Variants in ADAM12 observed in about 807,000 individuals in gnomAD.
ADAM12 encodes disintegrin and metalloproteinase domain-containing protein 12.
A neutral mutation model predicts 106.4 loss-of-function variants in ADAM12; 70 were observed. The ratio of observed to expected loss-of-function variants is 0.66; its 90% confidence interval spans 0.54 to 0.80. ADAM12 has a LOEUF of 0.80. ADAM12 is among the 30% of genes least tolerant of loss of function. ADAM12 has a pLI of 0.00. For missense variants in ADAM12, 1,010 were observed against 1,171.9 expected, an observed-to-expected ratio of 0.86 and a Z score of 2.02; for synonymous variants, 420 against 433.5, an observed-to-expected ratio of 0.97 and a Z score of 0.39.
intron 2 of ADAM12, among the ~76,000 whole-genome samples, chr10:126,303,742 C>T (rs1396878972): frequency 6.6e-6 from 1 of 152,178 alleles, no homozygotes; most frequent in Admixed American, 6.5e-5. Context: ...CTCTCTTTAC[C>T]TGTGGTGGGT....
chr10:126,226,403 G>C (rs1304692478), intron 3 of ADAM12, among the ~76,000 whole-genome samples: 1 of 152,208 alleles, frequency 6.6e-6, no homozygotes, highest in Non-Finnish European at 1.5e-5. Context: ...GGGGATGCGT[G>C]TGCAGCCCTG....
chr10:126,073,071 C>T (rs2133502873), intron 11 of ADAM12, among the ~76,000 whole-genome samples: 1 of 152,274 alleles, frequency 6.6e-6, no homozygotes, highest in Middle Eastern at 3.4e-3. Context: ...CTATTAGGCA[C>T]AGATTTTTAA....
chr10:126,020,777 G>T (rs1564991136), intron 21 of ADAM12, among the ~76,000 whole-genome samples: 1 of 152,010 alleles, frequency 6.6e-6, no homozygotes, highest in Non-Finnish European at 1.5e-5. Flanking sequence ...GATCACCTGA[G>T]GTCAGGAGTT....
intron 3 of ADAM12, among the ~76,000 whole-genome samples, chr10:126,213,347 G>A (rs754461539): frequency 2.6e-5 from 4 of 152,272 alleles, no homozygotes; most frequent in African/African-American, 7.2e-5. Flanking sequence ...GAACACACTC[G>A]TTTTATCTAA....
chr10:126,109,691 TA>T, intron 7 of ADAM12, 83 bp downstream of exon 7: 2 of 1,234,052 alleles, frequency 1.6e-6, no homozygotes. Context: ...TGAGGTTCAT[TA>T]AAGCAAGTAA....
rs901573730 is a variant in ADAM12 at position 126,043,792 on chromosome 10, T to C, written c.1996-644A>G. Reference sequence around the variant, plus strand: ...GCCTCCTTCTTGCAGAGGTTCCCAGTGGCTGTTCCCTGGCTCCCAGTCACG... The same window carrying C: ...GCCTCCTTCTTGCAGAGGTTCCCAGCGGCTGTTCCCTGGCTCCCAGTCACG... On this transcript the variant is annotated intron_variant, in intron 17 of 22. Transcript: ENST00000448723. The surrounding 1 kb of genome is among the most constrained non-coding windows in gnomAD (Gnocchi z 4.1). Among the ~76,000 whole-genome samples the C allele has an allele frequency of 1.4e-4, 21 of 152,360 alleles. No homozygotes were observed. Among genetic ancestry groups the C allele is most frequent in the African/African-American group, 4.8e-4 (20 of 41,590 alleles).
chr10:126,090,053 G>A (rs1278373), intron 11 of ADAM12, among the ~76,000 whole-genome samples: 64,369 of 151,976 alleles, frequency 0.42, 15,770 homozygotes, highest in African/African-American at 0.68. Flanking sequence ...GCCTCCCAAA[G>A]TGCTGAGATT....
chr10:126,248,158 A>C (rs1958665931), intron 3 of ADAM12, among the ~76,000 whole-genome samples: 1 of 152,044 alleles, frequency 6.6e-6, no homozygotes, highest in African/African-American at 2.4e-5. Context: ...TGGCAGTCAT[A>C]CCCCCTATGC....
chr10:126,337,455 T>C (rs1490453312), intron 1 of ADAM12, among the ~76,000 whole-genome samples: 6 of 151,728 alleles, frequency 4.0e-5, no homozygotes, highest in Admixed American at 3.3e-4. Flanking sequence ...GCAGGAGGAG[T>C]GGGAGGAAGC....
intron 22 of ADAM12, among the ~76,000 whole-genome samples, chr10:126,017,637 A>G (rs560551424): frequency 4.6e-5 from 7 of 152,368 alleles, no homozygotes; most frequent in Admixed American, 2.6e-4. Flanking sequence ...TTAGTAATAC[A>G]TTTAACTCAG....
intron 3 of ADAM12, among the ~76,000 whole-genome samples, chr10:126,270,149 C>A (rs1959168759): frequency 6.6e-6 from 1 of 152,078 alleles, no homozygotes; most frequent in African/African-American, 2.4e-5. Flanking sequence ...GAGTTAATTC[C>A]CTGAGTCTAT....
At position 126,049,139 on chromosome 10, in the gene ADAM12, GAGA is replaced by G. The variant is rs1358145722; in HGVS notation, c.1917+111_1917+113del. 3.7e-6 allele frequency: 5 copies of G among 1,342,608 alleles called. No homozygotes were observed. Among genetic ancestry groups the G allele is most frequent in the Non-Finnish European group, 5.2e-6 (5 of 959,258 alleles). 83.2% of individuals were successfully genotyped at this position (1,342,608 alleles called of 1,614,324 possible). ...TTGACTTTTTCTTCTAGGTGCATCTGAGAAGAAGTAGATTTAGGAAAACCAACA... is the reference window on the plus strand; with the variant it reads ...TTGACTTTTTCTTCTAGGTGCATCTGAGAAGTAGATTTAGGAAAACCAACA... On this transcript the variant is annotated intron_variant, in intron 16 of 22. Transcript: ENST00000448723. This position sits in a 1 kb window ranked among gnomAD's most constrained non-coding sequence, Gnocchi z 4.4.
chr10:126,164,367 C>T (rs61863408), intron 3 of ADAM12, among the ~76,000 whole-genome samples: 9,894 of 152,228 alleles, frequency 0.065, 445 homozygotes, highest in Admixed American at 0.1. Context: ...ATTTCTTCTT[C>T]CTGGTGGATC....
Position 126,202,125 on chromosome 10 carries a change from C to T in ADAM12, c.261-46820G>A, listed in dbSNP as rs144306859. ...AATTAAAACTTCCAAACATCTCAGT[C>T]GATTCTTCTTCCACTGTGGCTGGAG... On this transcript the variant is annotated intron_variant, in intron 3 of 22. Coordinates refer to ENST00000448723, the MANE Select transcript of ADAM12 (RefSeq NM_001288973.2). Among the ~76,000 whole-genome samples, 374 of 152,304 alleles carry T rather than the reference C, an allele frequency of 2.5e-3. 3 individuals carry two copies. Among genetic ancestry groups the T allele is most frequent in the African/African-American group, 8.4e-3 (348 of 41,568 alleles).
At chr10:126,056,406 C>T (rs951861036) in intron 14 of ADAM12, among the ~76,000 whole-genome samples, 4 of 152,184 alleles carry the variant, frequency 2.6e-5, no homozygotes, top group Non-Finnish European at 4.4e-5. Context: ...ATCAAAGGCC[C>T]GAATGCATAC....
intron 2 of ADAM12, among the ~76,000 whole-genome samples, chr10:126,301,170 A>T (rs1960605867): frequency 6.6e-6 from 1 of 152,126 alleles, no homozygotes; most frequent in Non-Finnish European, 1.5e-5. Context: ...GCACAGAATA[A>T]CCCAGTCCAA....
At chr10:126,232,343 A>T (rs1331471182) in intron 3 of ADAM12, among the ~76,000 whole-genome samples, 6 of 152,184 alleles carry the variant, frequency 3.9e-5, no homozygotes, top group Non-Finnish European at 8.8e-5. Context: ...AAGCTAAAAA[A>T]GTCAAAGAAA....
intron 16 of ADAM12, 23 bp from the exon 17 acceptor site, chr10:126,046,155 C>T: frequency 1.9e-6 from 3 of 1,601,002 alleles, no homozygotes; most frequent in Non-Finnish European, 2.6e-6. Context: ...GAAAACACAG[C>T]AAATCTCTTA....
At chr10:126,090,359 T>G (rs948246954) in intron 11 of ADAM12, among the ~76,000 whole-genome samples, 1 of 151,648 alleles carries the variant, frequency 6.6e-6, no homozygotes, top group African/African-American at 2.4e-5. Flanking sequence ...TTTTGAATGT[T>G]AATATTGCCT....
Sources: gnomAD v4.1 joint callset for allele counts (sites outside exome capture counted in the v4.1 genomes callset) on GRCh38, gnomAD v4.1.1 for gene constraint, Gnocchi (gnomAD v3.1) non-coding constraint, MANE v1.5 for transcripts, NCBI Gene and HGNC (gene_info 2026-07-23, HGNC 2026-07-21) for gene names.